Variants in INPP5D observed in about 807,000 individuals in gnomAD.
INPP5D encodes phosphatidylinositol 3,4,5-trisphosphate 5-phosphatase 1.
Under a neutral mutation model 122.9 loss-of-function variants are expected in INPP5D, and 33 were observed. The ratio of observed to expected loss-of-function variants is 0.27; its 90% CI spans 0.20 to 0.36. The LOEUF is 0.36. Among genes scored for constraint, INPP5D ranks in the 10% least tolerant of loss-of-function variants. The pLI is 1.00. For missense variants in INPP5D, 1,053 were observed against 1,412.7 expected (o/e 0.75, Z 4.08); for synonymous variants, 584 against 576.2 (o/e 1.01, Z -0.19).
At chr2:233,135,550 C>G (rs976508736) in intron 5 of INPP5D, among the ~76,000 whole-genome samples, 1 of 151,764 alleles carries the variant, frequency 6.6e-6, no homozygotes, top group African/African-American at 2.4e-5. Context: ...CAGATTGTTA[C>G]AAACAGTACC....
At chr2:233,184,615 C>G in intron 20 of INPP5D, 94 bp downstream of exon 20, 2 of 1,505,212 alleles carry the variant, frequency 1.3e-6, no homozygotes, top group Non-Finnish European at 1.8e-6. Flanking sequence ...TATCTTCTCT[C>G]CCTGGAAAGG....
chr2:233,149,839 G>A (rs1294461219), intron 9 of INPP5D, among the ~76,000 whole-genome samples: 1 of 152,090 alleles, frequency 6.6e-6, no homozygotes, highest in Admixed American at 6.5e-5. Flanking sequence ...TTATGTGGGT[G>A]AACATCAAAG....
intron 8 of INPP5D, 30 bp from the exon 9 acceptor site, chr2:233,147,437 AAATC>A (rs1196520979): frequency 2.8e-6 from 2 of 701,928 alleles, no homozygotes; most frequent in South Asian, 3.0e-5. Flanking sequence ...CCCAGGCAGA[AAATC>A]AATCAGTGAC....
intron 21 of INPP5D, among the ~76,000 whole-genome samples, chr2:233,186,720 T>C (rs1574796218): frequency 1.7e-5 from 1 of 58,118 alleles, no homozygotes; most frequent in African/African-American, 7.3e-5. Context: ...TTTTTTTTTT[T>C]TTTTTTTTTT....
chr2:233,199,808 G>A (rs574872781), intron 25 of INPP5D, among the ~76,000 whole-genome samples: 5 of 152,102 alleles, frequency 3.3e-5, no homozygotes, highest in Admixed American at 2.6e-4. Flanking sequence ...CAGCCTGGGC[G>A]ACAAAGCGAG....
chr2:233,090,578 C>A (rs1052806028), intron 2 of INPP5D, among the ~76,000 whole-genome samples: 1 of 152,152 alleles, frequency 6.6e-6, no homozygotes, highest in Non-Finnish European at 1.5e-5. Flanking sequence ...GAGTTCTCAG[C>A]GCCCTCACAC....
chr2:233,108,036 C>T (rs1692512929), intron 2 of INPP5D, among the ~76,000 whole-genome samples: 2 of 152,118 alleles, frequency 1.3e-5, no homozygotes, highest in Admixed American at 1.3e-4. Context: ...TGCCAGTTTC[C>T]CCCCTCCCAC....
In INPP5D at chr2:233,169,914, C is replaced by A. The variant is rs893348970; in HGVS notation, c.1653-112C>A. The A allele has an allele frequency of 3.5e-5, 55 of 1,554,554 alleles. No individual in the cohort carries two copies. The African/African-American group carries it at 5.3e-4, about 15-fold the overall frequency. On this transcript the variant is annotated intron_variant, in intron 14 of 26. Coordinates refer to ENST00000445964, the MANE Select transcript of INPP5D (RefSeq NM_001017915.3). The stretch of plus-strand genomic sequence containing the variant: ...AGGGCTGGAGGGCTAAGTCTCACTT[C>A]CCCCCACCTGCTATGCTCCTCGCCC...
intron 1 of INPP5D, among the ~76,000 whole-genome samples, chr2:233,062,724 G>A (rs1559267348): frequency 6.6e-6 from 1 of 152,158 alleles, no homozygotes; most frequent in Non-Finnish European, 1.5e-5. Flanking sequence ...CCTGGGCTCA[G>A]TGTTTCCCTT....
chr2:233,119,177 T>G (rs1275535020), intron 2 of INPP5D, among the ~76,000 whole-genome samples: 1 of 152,204 alleles, frequency 6.6e-6, no homozygotes, highest in African/African-American at 2.4e-5. Flanking sequence ...TTCCCAAATC[T>G]CACATGCTCA....
intron 2 of INPP5D, among the ~76,000 whole-genome samples, chr2:233,111,232 A>G (rs1388928185): frequency 6.6e-6 from 1 of 152,252 alleles, no homozygotes; most frequent in East Asian, 1.9e-4. Context: ...CAGGAAATTA[A>G]CATGGATGAA....
intron 22 of INPP5D, 148 bp from the exon 23 acceptor site, chr2:233,193,664 A>G: frequency 7.6e-7 from 1 of 1,318,370 alleles, no homozygotes; most frequent in Non-Finnish European, 1.0e-6. Context: ...ATTTGCCCCC[A>G]AAGTACTGTG....
intron 2 of INPP5D, among the ~76,000 whole-genome samples, chr2:233,111,900 A>G (rs1692639829): frequency 6.6e-6 from 1 of 151,784 alleles, no homozygotes; most frequent in African/African-American, 2.4e-5. Context: ...GCCTCTACAA[A>G]AAATACAAAA....
chr2:233,125,301 C>T (rs1693124294), intron 3 of INPP5D, among the ~76,000 whole-genome samples: 1 of 152,176 alleles, frequency 6.6e-6, no homozygotes, highest in African/African-American at 2.4e-5. Flanking sequence ...GCTAGGCCTG[C>T]CTGTCTCCTT....
intron 10 of INPP5D, among the ~76,000 whole-genome samples, chr2:233,161,248 C>T (rs1329519306): frequency 1.3e-5 from 2 of 152,112 alleles, no homozygotes; most frequent in African/African-American, 2.4e-5. Flanking sequence ...AGCACCACCA[C>T]GCTTGGCTAA....
At chr2:233,154,048 C>G (rs896299032) in intron 9 of INPP5D, among the ~76,000 whole-genome samples, 1 of 152,242 alleles carries the variant, frequency 6.6e-6, no homozygotes, top group African/African-American at 2.4e-5. Flanking sequence ...ACAGACCCCA[C>G]CTCACTGTTG....
In INPP5D at chr2:233,184,412, C is replaced by T. The variant is rs147909267; in HGVS notation, c.2166C>T (p.Pro722=). Reference sequence around the variant, plus strand: ...CCGTGTTCTCCCCTGTTCCAGGTCCCGGGACTGTTGACAGCCAAGGACAGA... The same window carrying T: ...CCGTGTTCTCCCCTGTTCCAGGTCCTGGGACTGTTGACAGCCAAGGACAGA... ...VTSQFVSKNG[P]GTVDSQGQIE... Residue 722 remains proline (P), a synonymous_variant, in exon 20 of 27, where the codon CCC becomes CCT. Transcript: ENST00000445964. The T allele has an allele frequency of 1.1e-3, 1,741 of 1,613,928 alleles. 8 individuals are homozygous for T. Among genetic ancestry groups the T allele is most frequent in the Middle Eastern group, 2.6e-3 (16 of 6,062 alleles).
chr2:233,094,554 G>T (rs1692082796), intron 2 of INPP5D, among the ~76,000 whole-genome samples: 1 of 108,668 alleles, frequency 9.2e-6, no homozygotes, highest in Non-Finnish European at 1.9e-5. Context: ...TCTAAAATCT[G>T]GCTGCTGGAA....
chr2:233,119,968 G>A (rs1692922517), intron 2 of INPP5D, among the ~76,000 whole-genome samples: 3 of 152,200 alleles, frequency 2.0e-5, no homozygotes, highest in Admixed American at 6.5e-5. Context: ...ACTTGGAGGC[G>A]GAAAGGCCAA....
Sources: gnomAD v4.1 joint callset for allele counts (sites outside exome capture counted in the v4.1 genomes callset) on GRCh38, gnomAD v4.1.1 for gene constraint, MANE v1.5 for transcripts, NCBI Gene and HGNC (gene_info 2026-07-23, HGNC 2026-07-21) for gene names.